Variants in KIAA1549L observed in about 807,000 individuals in gnomAD.
KIAA1549L encodes UPF0606 protein KIAA1549L.
KIAA1549L carries 88 observed loss-of-function variants against 160.7 expected under a neutral mutation model. The observed-to-expected ratio is 0.55, with a 90% CI of 0.46 to 0.65. The LOEUF is 0.65. KIAA1549L is among the 30% of genes least tolerant of loss of function. The probability of loss-of-function intolerance (pLI) is 0.00; values close to 1 mark genes in which losing one functional copy is unlikely to be tolerated. For missense variants in KIAA1549L, 2,258 were observed against 2,437.5 expected, an observed-to-expected ratio of 0.93 and a Z score of 1.55; for synonymous variants, 950 against 976.7, an observed-to-expected ratio of 0.97 and a Z score of 0.51.
At chr11:33,414,275 G>T (rs533889649) in intron 1 of KIAA1549L, among the ~76,000 whole-genome samples, 2 of 152,168 alleles carry the variant, frequency 1.3e-5, no homozygotes, top group Non-Finnish European at 2.9e-5. Context: ...GATCTAGCAC[G>T]AAGTATATAA....
chr11:33,486,502 A>G (rs1852530163), intron 1 of KIAA1549L, among the ~76,000 whole-genome samples: 2 of 152,236 alleles, frequency 1.3e-5, no homozygotes, highest in African/African-American at 4.8e-5. Context: ...CTCAAAACGA[A>G]TTTAACTACT....
chr11:33,618,550 C>G lies in KIAA1549L; in HGVS notation c.5297C>G (p.Ser1766Cys). ...TTCTTCAGGCAACAGATGAAGAACT[C>G]TGTCTACAGAAGCCGGCAGTCTCTG... Reference protein sequence around the residue: ...ESKNRQQMKNSVYRSRQSLNS... With the variant: ...ESKNRQQMKNCVYRSRQSLNS... Residue 1766 changes from serine to cysteine, a missense_variant, in exon 16 of 21, where the codon TCT becomes TGT. By Grantham distance (112) the Ser-to-Cys change is moderately radical (BLOSUM62 -1). Coordinates refer to ENST00000658780, the MANE Select transcript of KIAA1549L (RefSeq NM_012194.3). 6.2e-7 allele frequency: 1 copy of G among 1,607,728 alleles called. No homozygotes were observed. Among genetic ancestry groups the G allele is most frequent in the African/African-American group, 1.3e-5 (1 of 74,924 alleles).
rs35999065 is a variant in KIAA1549L, at chr11:33,621,663, G to GAA, written c.5409+3010_5409+3011dup. ...GAAAATAATGAAGCAGTAAGGAAAA[G>GAA]AAAAAAAAAATGCTGTAAATATGAT... On this transcript the variant is annotated intron_variant, in intron 16 of 20. Coordinates refer to ENST00000658780, the MANE Select transcript of KIAA1549L (RefSeq NM_012194.3). Among the ~76,000 whole-genome samples the GAA allele has an allele frequency of 6.1e-5, 9 of 148,088 alleles. No individual in the cohort carries two copies. In the South Asian group the frequency reaches 1.7e-3, roughly 28 times the overall value.
chr11:33,522,722 C>T (rs993771882), intron 1 of KIAA1549L, among the ~76,000 whole-genome samples: 8 of 152,002 alleles, frequency 5.3e-5, no homozygotes, highest in Admixed American at 1.3e-4. Context: ...AGAGAGAGAC[C>T]GTCTCTACAA....
intron 1 of KIAA1549L, among the ~76,000 whole-genome samples, chr11:33,397,375 TCTC>T (rs1181835029): frequency 6.7e-6 from 1 of 149,020 alleles, no homozygotes; most frequent in African/African-American, 2.5e-5. Flanking sequence ...ATGTTTAAGC[TCTC>T]CTCTGTTTTC....
chr11:33,617,595 C>T (rs1850845996), intron 15 of KIAA1549L, among the ~76,000 whole-genome samples: 1 of 152,198 alleles, frequency 6.6e-6, no homozygotes, highest in African/African-American at 2.4e-5. Flanking sequence ...AGTTGTCTCC[C>T]ATCCTAGTCC....
chr11:33,513,178 A>G (rs559722169), intron 1 of KIAA1549L, among the ~76,000 whole-genome samples: 3 of 152,334 alleles, frequency 2.0e-5, no homozygotes, highest in African/African-American at 7.2e-5. Context: ...TAAACTGTTC[A>G]CAAATAACCA....
At chr11:33,462,682 T>G (rs59174421) in intron 1 of KIAA1549L, among the ~76,000 whole-genome samples, 60 of 152,346 alleles carry the variant, frequency 3.9e-4, no homozygotes, top group African/African-American at 1.4e-3. Context: ...CCAGTGACTT[T>G]CAGCAAATTT....
At chr11:33,502,841 G>T (rs1852983321) in intron 1 of KIAA1549L, among the ~76,000 whole-genome samples, 1 of 152,156 alleles carries the variant, frequency 6.6e-6, no homozygotes, top group South Asian at 2.1e-4. Flanking sequence ...TCTTAAAATG[G>T]AGATAAAACG....
intron 1 of KIAA1549L, among the ~76,000 whole-genome samples, chr11:33,532,112 T>G (rs539783352): frequency 6.6e-6 from 1 of 152,314 alleles, no homozygotes; most frequent in African/African-American, 2.4e-5. Flanking sequence ...GAATAACTCT[T>G]GGTGTGACCT....
chr11:33,656,223 G>C lies in KIAA1549L; in HGVS notation c.5858+114G>C, dbSNP rs558967128. On this transcript the variant is annotated intron_variant, in intron 18 of 20. Transcript: ENST00000658780. ...TCCTTCATGCTCCACCCCATCCAGG[G>C]TGTGTCACCTGTACAGACAACCATG... is the stretch of plus-strand genomic sequence containing the variant. The C allele has an allele frequency of 3.8e-5, 28 of 745,408 alleles. No homozygotes were observed. The African/African-American group carries it at 4.3e-4, about 11-fold the overall frequency. The allele number at this position is 745,408 out of a possible 1,614,324, so 46.2% of individuals were successfully genotyped here. A position where few individuals can be genotyped will look rare whatever the true frequency, so the allele number is the denominator to read the frequency against.
Position 33,545,490 on chromosome 11 carries a change from C to G in KIAA1549L, c.3385+112C>G, listed in dbSNP as rs969023937. On this transcript the variant is annotated intron_variant, in intron 3 of 20. Transcript: ENST00000658780. ...ACCAGGGGACATTTTTCCACCCTCCCCCAGGGACATTTGGCTATGTCTGGA... is the reference window on the plus strand; with the variant it reads ...ACCAGGGGACATTTTTCCACCCTCCGCCAGGGACATTTGGCTATGTCTGGA... 2.0e-5 allele frequency: 26 copies of G among 1,282,134 alleles called. No individual in the cohort carries two copies. The South Asian group carries it at 4.0e-4, about 20-fold the overall frequency. 79.4% of individuals were successfully genotyped at this position (1,282,134 alleles called of 1,614,324 possible).
intron 12 of KIAA1549L, among the ~76,000 whole-genome samples, chr11:33,597,720 C>A (rs751396990): frequency 6.6e-6 from 1 of 152,128 alleles, no homozygotes; most frequent in Non-Finnish European, 1.5e-5. Context: ...AGAGTCCCGC[C>A]CTGAGGAAGG....
chr11:33,439,569 A>AT (rs34456047), intron 1 of KIAA1549L, among the ~76,000 whole-genome samples: 3,038 of 123,942 alleles, frequency 0.025, 110 homozygotes, highest in African/African-American at 0.08. Context: ...TGCCCGGCTA[A>AT]TTTTTTTTTT....
chr11:33,440,808 T>G (rs940231707), intron 1 of KIAA1549L, among the ~76,000 whole-genome samples: 2 of 152,228 alleles, frequency 1.3e-5, no homozygotes, highest in Non-Finnish European at 2.9e-5. Flanking sequence ...AGTTATAAGC[T>G]CCATCCATTT....
chr11:33,558,713 T>C (rs1046321518), intron 6 of KIAA1549L, among the ~76,000 whole-genome samples: 3 of 152,182 alleles, frequency 2.0e-5, no homozygotes, highest in Non-Finnish European at 2.9e-5. Context: ...TTCGACAAAA[T>C]GTGAAAAGAA....
chr11:33,417,530 G>C (rs182881285), intron 1 of KIAA1549L, among the ~76,000 whole-genome samples: 1 of 152,252 alleles, frequency 6.6e-6, no homozygotes, highest in Admixed American at 6.5e-5. Flanking sequence ...CCGACTTTCA[G>C]CCATGTCTTT....
At position 33,435,773 on chromosome 11, in the gene KIAA1549L, TA is replaced by T. The variant is rs1368800083; in HGVS notation, c.238+58885del. On this transcript the variant is annotated intron_variant, in intron 1 of 20. Transcript: ENST00000658780. Reference sequence around the variant, plus strand: ...AGAACCAATAAGATATATATATATATATATATATATATATATATATATATAT... The same window carrying T: ...AGAACCAATAAGATATATATATATATTATATATATATATATATATATATAT... 4.4e-3 allele frequency among the ~76,000 whole-genome samples: 41 copies of T among 9,388 alleles called. 3 individuals are homozygous for T. The East Asian group carries it at 0.092, about 21-fold the overall frequency. 6.2% of individuals were successfully genotyped at this position (9,388 alleles called of 152,430 possible). A position where few individuals can be genotyped will look rare whatever the true frequency, so the allele number is the denominator to read the frequency against.
intron 16 of KIAA1549L, among the ~76,000 whole-genome samples, chr11:33,638,338 A>G (rs1851492632): frequency 6.6e-6 from 1 of 152,018 alleles, no homozygotes; most frequent in South Asian, 2.1e-4. Context: ...ACTTCATATA[A>G]ATGGATTTAT....
Sources: allele counts gnomAD v4.1 joint callset (sites outside exome capture counted in the v4.1 genomes callset), GRCh38; gene constraint gnomAD v4.1.1; transcripts MANE v1.5; gene names NCBI Gene and HGNC (gene_info 2026-07-23, HGNC 2026-07-21).